Variants in CLYBL observed in about 807,000 individuals in gnomAD.
The protein encoded by CLYBL is citramalyl-CoA lyase, mitochondrial.
CLYBL carries 31 observed loss-of-function variants against 38.9 expected under a neutral mutation model. That is an observed-to-expected ratio of 0.80 (90% CI 0.60 to 1.08). CLYBL has a LOEUF of 1.08. CLYBL is among the 50% of genes least tolerant of loss of function. The pLI is 0.00. For synonymous variants in CLYBL, 171 were observed against 158.6 expected, an observed-to-expected ratio of 1.08 and a Z score of -0.59; for missense variants, 434 against 411.6, an observed-to-expected ratio of 1.05 and a Z score of -0.47.
At chr13:99,816,101 T>G (rs2050441919) in intron 2 of CLYBL, among the ~76,000 whole-genome samples, 1 of 152,188 alleles carries the variant, frequency 6.6e-6, no homozygotes, top group Non-Finnish European at 1.5e-5. Context: ...CTGGTTAGAT[T>G]TGGCAGAGGA....
rs1381085116 is a variant in CLYBL, at chr13:99,659,897, GTC to G, written c.62+53146_62+53147del. Among the ~76,000 whole-genome samples the G allele has an allele frequency of 3.3e-5, 5 of 152,186 alleles. No homozygotes were observed. In the East Asian group the frequency reaches 7.7e-4, roughly 23 times the overall value. On this transcript the variant is annotated intron_variant, in intron 1 of 8. Transcript: ENST00000339105. ...TGTACAGACCTGGGTGGCGTTAGCA[GTC>G]TCTCTTCTGTGAACCAGGGGGCGAT... is the stretch of plus-strand genomic sequence containing the variant.
At chr13:99,690,075 A>G (rs2047877404) in intron 1 of CLYBL, 1 of 152,226 alleles carries the variant, frequency 6.6e-6, no homozygotes, top group Non-Finnish European at 1.5e-5. Flanking sequence ...TGTTTTGTTA[A>G]GTAGCATTTT....
chr13:99,694,466 C>T (rs180896995), intron 1 of CLYBL, among the ~76,000 whole-genome samples: 88 of 152,322 alleles, frequency 5.8e-4, no homozygotes, highest in Admixed American at 1.6e-3. Flanking sequence ...GAGAGGGCAG[C>T]ATGTCATTCA....
At chr13:99,847,293 ATCC>A (rs2051227879) in intron 2 of CLYBL, among the ~76,000 whole-genome samples, 1 of 152,216 alleles carries the variant, frequency 6.6e-6, no homozygotes, top group African/African-American at 2.4e-5. Flanking sequence ...GCACGTTTTC[ATCC>A]TCATAATGAA....
chr13:99,906,300 A>C (rs1183189981), intron 9 of CLYBL, among the ~76,000 whole-genome samples: 2 of 152,212 alleles, frequency 1.3e-5, no homozygotes, highest in Admixed American at 6.5e-5. Flanking sequence ...AAAGTTTTCA[A>C]ATCAGAAAAA....
chr13:99,669,526 CT>C (rs1245436201), intron 1 of CLYBL, among the ~76,000 whole-genome samples: 9 of 152,172 alleles, frequency 5.9e-5, no homozygotes, highest in Non-Finnish European at 1.0e-4. Context: ...AGAACCTTAG[CT>C]TTTCCCAAAT....
At chr13:99,690,392 T>G (rs1346996861) in intron 1 of CLYBL, 1 of 152,220 alleles carries the variant, frequency 6.6e-6, no homozygotes. Flanking sequence ...TGTATGTTTT[T>G]CCTCTCTACT....
chr13:99,708,460 T>C lies in CLYBL; in HGVS notation c.63-64364T>C, dbSNP rs181293075. 1.4e-3 allele frequency among the ~76,000 whole-genome samples: 212 copies of C among 152,316 alleles called. 1 individual carries two copies. Among genetic ancestry groups the C allele is most frequent in the African/African-American group, 4.9e-3 (202 of 41,564 alleles). On this transcript the variant is annotated intron_variant, in intron 1 of 8. Coordinates refer to ENST00000339105, the MANE Select transcript of CLYBL (RefSeq NM_206808.5). ...GAATGAGTGGAACACTGAGATGATA[T>C]AGTGGAATGGACGGATAGTGGTTAG... is the stretch of plus-strand genomic sequence containing the variant.
At position 99,716,178 on chromosome 13, in the gene CLYBL, T is replaced by G. The variant is rs1399266252; in HGVS notation, c.63-56646T>G. On this transcript the variant is annotated intron_variant, in intron 1 of 8. Transcript: ENST00000339105. Reference sequence around the variant, plus strand: ...TTGCTTTATTGGTGTAATTTTTTTTTTTTTTTTTTTTTTTTTTTTTTTTTT... The same window carrying G: ...TTGCTTTATTGGTGTAATTTTTTTTGTTTTTTTTTTTTTTTTTTTTTTTTT... 8.6e-3 allele frequency among the ~76,000 whole-genome samples: 644 copies of G among 74,464 alleles called. 29 individuals carry two copies. The highest frequency in any genetic ancestry group is 0.031 in the African/African-American group (596 of 19,370). The allele number at this position is 74,464 out of a possible 152,430, so 48.9% of individuals were successfully genotyped here.
intron 1 of CLYBL, among the ~76,000 whole-genome samples, chr13:99,678,894 C>G (rs1034036844): frequency 6.6e-6 from 1 of 152,112 alleles, no homozygotes; most frequent in Admixed American, 6.5e-5. Flanking sequence ...TATTCACTGA[C>G]TAGATATTTA....
intron 1 of CLYBL, among the ~76,000 whole-genome samples, chr13:99,646,447 A>C (rs1164883002): frequency 6.6e-6 from 1 of 151,982 alleles, no homozygotes; most frequent in East Asian, 1.9e-4. Context: ...TTGCATTTAC[A>C]ATGATTTATA....
rs2048752756 is a variant in CLYBL, at chr13:99,741,414, C to T, written c.63-31410C>T. ...GAGTGACAAGAACATGGCAGTTTGGCACGGCAGACCCCAACCTTCATCCAT... is the reference window on the plus strand; with the variant it reads ...GAGTGACAAGAACATGGCAGTTTGGTACGGCAGACCCCAACCTTCATCCAT... On this transcript the variant is annotated intron_variant, in intron 1 of 8. Transcript: ENST00000339105. 2.6e-5 allele frequency among the ~76,000 whole-genome samples: 4 copies of T among 152,330 alleles called. No individual in the cohort carries two copies. The South Asian group carries it at 8.3e-4, about 32-fold the overall frequency.
chr13:99,698,060 G>T (rs9585195), intron 1 of CLYBL, among the ~76,000 whole-genome samples: 2 of 152,038 alleles, frequency 1.3e-5, no homozygotes, highest in Non-Finnish European at 2.9e-5. Context: ...AAGGTTGTTA[G>T]TGTGGCCTAA....
chr13:99,634,587 A>G (rs2046993352), intron 1 of CLYBL, among the ~76,000 whole-genome samples: 1 of 152,260 alleles, frequency 6.6e-6, no homozygotes, highest in South Asian at 2.1e-4. Flanking sequence ...AGCTTGGAGT[A>G]TGAAAAAGGA....
At chr13:99,766,336 A>C (rs1223737463) in intron 1 of CLYBL, among the ~76,000 whole-genome samples, 2 of 152,110 alleles carry the variant, frequency 1.3e-5, no homozygotes, top group Admixed American at 1.3e-4. Context: ...CTCTGCAAAC[A>C]TATTTCTCCA....
intron 1 of CLYBL, among the ~76,000 whole-genome samples, chr13:99,704,350 C>G (rs537974207): frequency 6.6e-6 from 1 of 152,254 alleles, no homozygotes; most frequent in Admixed American, 6.5e-5. Flanking sequence ...GTTACTTTCT[C>G]TTTTTGGAAG....
At chr13:99,692,291 T>TG (rs1277856354) in intron 1 of CLYBL, among the ~76,000 whole-genome samples, 2 of 134,176 alleles carry the variant, frequency 1.5e-5, no homozygotes, top group Non-Finnish European at 3.4e-5. Context: ...TTTTTGTTTT[T>TG]TTTTTTTTGT....
At chr13:99,791,354 CT>C (rs67957325) in intron 2 of CLYBL, among the ~76,000 whole-genome samples, 27,592 of 87,938 alleles carry the variant, frequency 0.31, 2,637 homozygotes, top group East Asian at 0.41. Flanking sequence ...TAAATAGTGT[CT>C]TTTTTAAAAA....
intron 2 of CLYBL, among the ~76,000 whole-genome samples, chr13:99,804,609 A>G (rs905587426): frequency 2.7e-4 from 41 of 152,122 alleles, no homozygotes; most frequent in African/African-American, 9.9e-4. Context: ...GCCTGCCTTT[A>G]TACCTGAAAT....
Sources: gnomAD v4.1 joint callset for allele counts (sites outside exome capture counted in the v4.1 genomes callset) on GRCh38, gnomAD v4.1.1 for gene constraint, MANE v1.5 for transcripts, NCBI Gene and HGNC (gene_info 2026-07-23, HGNC 2026-07-21) for gene names.